Variants in SGCD observed in about 807,000 individuals in gnomAD.
The protein encoded by SGCD is sarcoglycan delta, also known as delta-sarcoglycan.
SGCD carries 18 observed loss-of-function variants against 36.6 expected under a neutral mutation model. The ratio of observed to expected loss-of-function variants is 0.49; its 90% CI spans 0.34 to 0.73. The LOEUF (loss-of-function observed/expected upper bound fraction) is 0.73. Ranked by LOEUF, SGCD falls within the 30% of genes least tolerant of loss-of-function variation. The pLI is 0.01. For synonymous variants in SGCD, 133 were observed against 130.6 expected (o/e 1.02, Z -0.12); for missense variants, 387 against 346.7 (o/e 1.12, Z -0.92).
intron 3 of SGCD, among the ~76,000 whole-genome samples, chr5:156,499,635 C>G (rs534898894): frequency 4.2e-4 from 64 of 152,090 alleles, no homozygotes; most frequent in African/African-American, 1.5e-3. Context: ...AAAACATTTA[C>G]AAAGATTCAA....
chr5:155,884,693 T>C (rs866615189), intron 1 of SGCD, among the ~76,000 whole-genome samples: 1 of 152,222 alleles, frequency 6.6e-6, no homozygotes. Context: ...ATGAGCAGAT[T>C]TGAGTTTGAA....
At chr5:156,443,414 C>G (rs1753587632) in intron 3 of SGCD, among the ~76,000 whole-genome samples, 1 of 152,160 alleles carries the variant, frequency 6.6e-6, no homozygotes, top group Admixed American at 6.5e-5. Flanking sequence ...TGAATAGCAA[C>G]AGCATCATGT....
intron 4 of SGCD, among the ~76,000 whole-genome samples, chr5:156,583,737 C>T (rs184395217): frequency 8.5e-5 from 13 of 152,256 alleles, no homozygotes; most frequent in Non-Finnish European, 1.5e-4. Flanking sequence ...GATAATATGA[C>T]ATTGGTACAA....
intron 1 of SGCD, among the ~76,000 whole-genome samples, chr5:155,912,101 T>C (rs1756642102): frequency 6.6e-6 from 1 of 152,108 alleles, no homozygotes; most frequent in African/African-American, 2.4e-5. Context: ...TCCACTTTAG[T>C]GGAACTGATA....
intron 6 of SGCD, among the ~76,000 whole-genome samples, chr5:156,614,254 A>G (rs574448347): frequency 6.6e-6 from 1 of 152,244 alleles, no homozygotes; most frequent in Non-Finnish European, 1.5e-5. Flanking sequence ...CAGGCTTATT[A>G]CTTTCATTAA....
rs111527710 is a variant in SGCD, at chr5:156,536,589, GTGTTTGTTTGTTTGTT to G, written c.294+27901_294+27916del. 4.5e-3 allele frequency among the ~76,000 whole-genome samples: 685 copies of G among 151,540 alleles called. 4 individuals carry two copies. The highest frequency in any genetic ancestry group is 0.014 in the African/African-American group (570 of 41,196). ...CATCACTGATCCTTTAAGCTTTGAG[GTGTTTGTTTGTTTGTT>G]TGTTTGTTTGTTTTTTGGCAGAGGT... On this transcript the variant is annotated intron_variant, in intron 4 of 8. Transcript: ENST00000337851.
chr5:156,282,943 T>C (rs144211308), intron 3 of SGCD, among the ~76,000 whole-genome samples: 2 of 152,286 alleles, frequency 1.3e-5, no homozygotes, highest in African/African-American at 4.8e-5. Flanking sequence ...TTTTTGATGA[T>C]TTCTATACAA....
intron 3 of SGCD, among the ~76,000 whole-genome samples, chr5:156,157,607 G>A (rs954150716): frequency 3.3e-5 from 5 of 151,708 alleles, no homozygotes; most frequent in African/African-American, 9.8e-5. Context: ...TACAATCAGC[G>A]ATATAAACTA....
chr5:155,996,853 C>CTGGA (rs201390010), intron 1 of SGCD, among the ~76,000 whole-genome samples: 4,478 of 101,876 alleles, frequency 0.044, 236 homozygotes, highest in African/African-American at 0.12. Context: ...AATCTGATAT[C>CTGGA]TGGATGGATG....
intron 7 of SGCD, among the ~76,000 whole-genome samples, chr5:156,655,326 TTTG>T (rs1763630078): frequency 6.6e-6 from 1 of 151,816 alleles, no homozygotes; most frequent in Non-Finnish European, 1.5e-5. Context: ...TTGTTCTTAT[TTTG>T]TTGTTGTTTG....
At chr5:156,755,460 C>A (rs965814168) in intron 7 of SGCD, among the ~76,000 whole-genome samples, 4 of 152,130 alleles carry the variant, frequency 2.6e-5, no homozygotes, top group Non-Finnish European at 4.4e-5. Flanking sequence ...GCAAAAAAAA[C>A]CATCTTCATA....
intron 3 of SGCD, among the ~76,000 whole-genome samples, chr5:156,197,324 T>G (rs1764045814): frequency 6.6e-6 from 1 of 152,154 alleles, no homozygotes; most frequent in South Asian, 2.1e-4. Context: ...CCCTCACGGA[T>G]TAGTTTGAAA....
intron 1 of SGCD, among the ~76,000 whole-genome samples, chr5:155,950,267 G>A (rs1757523627): frequency 6.6e-6 from 1 of 152,098 alleles, no homozygotes; most frequent in South Asian, 2.1e-4. Context: ...GCTTTGTCTA[G>A]TGTTTCTCTC....
At chr5:156,505,454 C>T (rs75587396) in intron 3 of SGCD, among the ~76,000 whole-genome samples, 3,134 of 152,276 alleles carry the variant, frequency 0.021, 32 homozygotes, top group Non-Finnish European at 0.031. Flanking sequence ...CCATACTGAA[C>T]GTGTTGAGGT....
At chr5:156,485,955 G>A (rs563901313) in intron 3 of SGCD, among the ~76,000 whole-genome samples, 1 of 152,200 alleles carries the variant, frequency 6.6e-6, no homozygotes, top group Non-Finnish European at 1.5e-5. Context: ...AGTTACAGAA[G>A]AGCTCCTCAG....
At chr5:155,783,273 C>T in the SGCD span, among the ~76,000 whole-genome samples, 2 of 152,080 alleles carry the variant, frequency 1.3e-5, no homozygotes, top group African/African-American at 4.8e-5. Flanking sequence ...GAGAGCTTTA[C>T]AAAGAAGGAC....
At chr5:156,284,214 T>G (rs936263960) in intron 3 of SGCD, among the ~76,000 whole-genome samples, 1 of 152,224 alleles carries the variant, frequency 6.6e-6, no homozygotes, top group Non-Finnish European at 1.5e-5. Flanking sequence ...CAGGACCAGA[T>G]GGATTCACAG....
chr5:156,048,705 A>T (rs771707483), intron 1 of SGCD, among the ~76,000 whole-genome samples: 21 of 151,974 alleles, frequency 1.4e-4, no homozygotes, highest in Non-Finnish European at 3.1e-4. Context: ...GTTGGAGTTC[A>T]TTGTAGATTC....
chr5:155,746,983 C>T, the SGCD span, among the ~76,000 whole-genome samples: 1 of 152,122 alleles, frequency 6.6e-6, no homozygotes, highest in Non-Finnish European at 1.5e-5. Context: ...CTGCTCATAT[C>T]CAGCATGAAT....
Sources: gnomAD v4.1 joint callset for allele counts (sites outside exome capture counted in the v4.1 genomes callset) on GRCh38, gnomAD v4.1.1 for gene constraint, MANE v1.5 for transcripts, NCBI Gene and HGNC (gene_info 2026-07-23, HGNC 2026-07-21) for gene names.